Variants in CSMD3 observed in about 807,000 individuals in gnomAD.
The protein encoded by CSMD3 is CUB and Sushi multiple domains 3.
In CSMD3, 177 loss-of-function variants were observed where a neutral mutation model predicts 435.2. The observed-to-expected ratio is 0.41, with a 90% confidence interval of 0.36 to 0.46. The LOEUF is 0.46. CSMD3 is among the 20% of genes least tolerant of loss of function. CSMD3 has a pLI of 0.34. For missense variants in CSMD3, 4,265 were observed against 4,504.6 expected, an observed-to-expected ratio of 0.95 and a Z score of 1.52; for synonymous variants, 1,656 against 1,520.5, an observed-to-expected ratio of 1.09 and a Z score of -2.07.
intron 7 of CSMD3, among the ~76,000 whole-genome samples, chr8:112,965,592 T>C (rs748867847): frequency 7.2e-5 from 11 of 151,924 alleles, no homozygotes; most frequent in Admixed American, 2.0e-4. Context: ...AAGGGTAGCA[T>C]TGGATAAAAA....
chr8:113,287,723 A>G (rs1373920732), intron 2 of CSMD3, among the ~76,000 whole-genome samples: 1 of 152,000 alleles, frequency 6.6e-6, no homozygotes, highest in Non-Finnish European at 1.5e-5. Context: ...CGGGGACTTC[A>G]GAAAGTTTTA....
At chr8:112,352,895 GAAAT>G (rs1271629420) in intron 38 of CSMD3, among the ~76,000 whole-genome samples, 1 of 151,992 alleles carries the variant, frequency 6.6e-6, no homozygotes, top group African/African-American at 2.4e-5. Context: ...TATGATAATA[GAAAT>G]AAATAATACT....
intron 22 of CSMD3, among the ~76,000 whole-genome samples, chr8:112,603,251 A>T (rs1023706110): frequency 6.6e-6 from 1 of 152,194 alleles, no homozygotes; most frequent in African/African-American, 2.4e-5. Flanking sequence ...TGCTAGTGTC[A>T]CTTCATTCCC....
intron 32 of CSMD3, among the ~76,000 whole-genome samples, chr8:112,417,740 G>C (rs1308528413): frequency 6.6e-6 from 1 of 152,022 alleles, no homozygotes; most frequent in Non-Finnish European, 1.5e-5. Context: ...TTCTTTTGGG[G>C]CTAAGAAAAG....
chr8:113,047,426 C>A (rs2087883186), intron 5 of CSMD3, among the ~76,000 whole-genome samples: 1 of 152,162 alleles, frequency 6.6e-6, no homozygotes, highest in African/African-American at 2.4e-5. Flanking sequence ...AACAAAAGTG[C>A]TATTTGGTTT....
At chr8:113,054,100 G>C (rs756499161) in intron 5 of CSMD3, among the ~76,000 whole-genome samples, 21 of 152,024 alleles carry the variant, frequency 1.4e-4, no homozygotes, top group Non-Finnish European at 2.6e-4. Context: ...ATGACATTTT[G>C]TATTACTCAC....
intron 7 of CSMD3, among the ~76,000 whole-genome samples, chr8:112,974,366 C>A (rs1426906915): frequency 6.6e-6 from 1 of 151,814 alleles, no homozygotes; most frequent in Non-Finnish European, 1.5e-5. Context: ...GTTGGTTTTA[C>A]AATAAACTTA....
At chr8:112,657,825 T>A (rs1448467062) in intron 17 of CSMD3, among the ~76,000 whole-genome samples, 1 of 152,206 alleles carries the variant, frequency 6.6e-6, no homozygotes, top group East Asian at 1.9e-4. Context: ...ACATTGTAGA[T>A]TATTTTATTT....
chr8:113,125,861 C>T (rs769267400), intron 4 of CSMD3, among the ~76,000 whole-genome samples: 1 of 151,730 alleles, frequency 6.6e-6, no homozygotes, highest in Non-Finnish European at 1.5e-5. Context: ...CTTCTTTGAA[C>T]ACTTTATTAA....
In CSMD3 at chr8:112,712,409, G is replaced by A. The variant is rs139763549; in HGVS notation, c.1973-22359C>T. Among the ~76,000 whole-genome samples the A allele has an allele frequency of 1.6e-3, 239 of 152,218 alleles. 2 individuals are homozygous for A. Among genetic ancestry groups the A allele is most frequent in the Middle Eastern group, 0.01 (3 of 294 alleles). On this transcript the variant is annotated intron_variant, in intron 13 of 70. Coordinates refer to ENST00000297405, the MANE Select transcript of CSMD3 (RefSeq NM_198123.2). Reference sequence around the variant, plus strand: ...TTTACCGTGTAAGTGGTTGATTCATGTTAATTACTCACCTACTCCTGTTCC... The same window carrying A: ...TTTACCGTGTAAGTGGTTGATTCATATTAATTACTCACCTACTCCTGTTCC...
chr8:113,384,706 A>G (rs968320311), intron 1 of CSMD3, among the ~76,000 whole-genome samples: 9 of 152,190 alleles, frequency 5.9e-5, no homozygotes, highest in Non-Finnish European at 1.3e-4. Flanking sequence ...ATTGAATAAA[A>G]ATCCACACTG....
chr8:112,550,325 A>C (rs1231423453), intron 27 of CSMD3, among the ~76,000 whole-genome samples: 1 of 151,986 alleles, frequency 6.6e-6, no homozygotes, highest in Non-Finnish European at 1.5e-5. Flanking sequence ...TTCCTTCCTC[A>C]TCTGCAAAAC....
intron 68 of CSMD3, among the ~76,000 whole-genome samples, chr8:112,231,984 C>A (rs549654697): frequency 6.6e-6 from 1 of 152,220 alleles, no homozygotes; most frequent in African/African-American, 2.4e-5. Context: ...GTTCCACATC[C>A]CCACTCTCCC....
intron 13 of CSMD3, among the ~76,000 whole-genome samples, chr8:112,789,714 C>T (rs183187426): frequency 5.9e-5 from 9 of 151,972 alleles, no homozygotes; most frequent in Admixed American, 3.3e-4. Context: ...TTTAAAGAAA[C>T]GTCAAATCAT....
intron 1 of CSMD3, among the ~76,000 whole-genome samples, chr8:113,334,297 A>ATTTTTTTTTTTTTTTT (rs2094052880): frequency 2.4e-5 from 3 of 126,280 alleles, no homozygotes; most frequent in African/African-American, 6.5e-5. Context: ...TTTTTTTTTC[A>ATTTTTTTTTTTTTTTT]TTTCCAGCCT....
intron 3 of CSMD3, among the ~76,000 whole-genome samples, chr8:113,177,140 A>G (rs960543044): frequency 6.6e-6 from 1 of 151,800 alleles, no homozygotes; most frequent in African/African-American, 2.4e-5. Flanking sequence ...CATCAGATGT[A>G]CATGCAAGCT....
At chr8:112,509,497 A>T (rs1274001757) in intron 28 of CSMD3, among the ~76,000 whole-genome samples, 3 of 152,176 alleles carry the variant, frequency 2.0e-5, no homozygotes, top group Non-Finnish European at 4.4e-5. Context: ...CTTAGCTTAT[A>T]CTTAAGTGAC....
chr8:112,628,221 G>T (rs1834648578), intron 22 of CSMD3, among the ~76,000 whole-genome samples: 1 of 151,996 alleles, frequency 6.6e-6, no homozygotes, highest in South Asian at 2.1e-4. Context: ...TATTTTCCCT[G>T]TTAAGCTCTG....
intron 24 of CSMD3, among the ~76,000 whole-genome samples, chr8:112,571,369 T>TA (rs1021413209): frequency 2.0e-5 from 3 of 152,066 alleles, no homozygotes; most frequent in Non-Finnish European, 2.9e-5. Flanking sequence ...AATATCTTTT[T>TA]AAAAAAATTC....
Sources: allele counts gnomAD v4.1 joint callset (sites outside exome capture counted in the v4.1 genomes callset), GRCh38; gene constraint gnomAD v4.1.1; transcripts MANE v1.5; gene names NCBI Gene and HGNC (gene_info 2026-07-23, HGNC 2026-07-21).